Variants in CASTOR2 observed in about 807,000 individuals in gnomAD.
CASTOR2 encodes GATS protein like 2.
CASTOR2 carries 8 observed loss-of-function variants against 31.2 expected under a neutral mutation model. The ratio of observed to expected loss-of-function variants is 0.26; its 90% confidence interval spans 0.15 to 0.46. The LOEUF is 0.46. Ranked by LOEUF, CASTOR2 falls within the 20% of genes least tolerant of loss-of-function variation. The probability of loss-of-function intolerance (pLI) is 0.99; values close to 1 mark genes in which losing one functional copy is unlikely to be tolerated. For synonymous variants in CASTOR2, 162 were observed against 158.7 expected (o/e 1.02, Z -0.16); for missense variants, 216 against 382.1 (o/e 0.57, Z 3.62).
intron 2 of CASTOR2, 23 bp from the exon 3 acceptor site, chr7:75,017,575 C>G: frequency 6.2e-7 from 1 of 1,612,334 alleles, no homozygotes; most frequent in South Asian, 1.1e-5. Context: ...AGTCACAGGA[C>G]TGCCTTCTGT....
At chr7:74,996,728 TTTTTTTTTTTTTTTTTTG>T (rs1206614503) in intron 1 of CASTOR2, among the ~76,000 whole-genome samples, 13 of 108,460 alleles carry the variant, frequency 1.2e-4, no homozygotes, top group African/African-American at 4.0e-4. Context: ...TTTTTTTTTT[TTTTTTTTTTTTTTTTTTG>T]GAGACAGAAT....
At chr7:75,024,371 G>T in intron 7 of CASTOR2, 69 bp from the exon 8 acceptor site, 2 of 1,478,774 alleles carry the variant, frequency 1.4e-6, no homozygotes, top group South Asian at 1.2e-5. Context: ...AGAGGGTAGA[G>T]GCTGAAGAGC....
Position 75,008,151 on chromosome 7 carries a change from CACCTCCTTATTTCTGCCCCCACCT to C in CASTOR2, c.184+97_184+120del, listed in dbSNP as rs1429218969. 2.7e-5 allele frequency: 39 copies of C among 1,457,932 alleles called. No homozygotes were observed. The Admixed American group carries it at 2.7e-4, about 10-fold the overall frequency. 90.3% of individuals were successfully genotyped at this position (1,457,932 alleles called of 1,614,324 possible). On this transcript the variant is annotated intron_variant, in intron 2 of 8. Coordinates refer to ENST00000616305, the MANE Select transcript of CASTOR2 (RefSeq NM_001145064.3). ...CACCTCCTTATTTCTGTCCCCCGCC[CACCTCCTTATTTCTGCCCCCACCT>C]ACCTCCTTACTTCTGCCCTCATCTG... is the stretch of plus-strand genomic sequence containing the variant.
At chr7:74,986,667 G>A (rs1400023548) in intron 1 of CASTOR2, among the ~76,000 whole-genome samples, 1 of 152,146 alleles carries the variant, frequency 6.6e-6, no homozygotes, top group Non-Finnish European at 1.5e-5. Context: ...TCTGGGAGAA[G>A]GTGGTGATTT....
chr7:75,024,322 C>T, intron 7 of CASTOR2, 118 bp from the exon 8 acceptor site: 1 of 1,008,286 alleles, frequency 9.9e-7, no homozygotes. Context: ...GATGGGAATT[C>T]TCTAGGAGGA....
chr7:75,029,722 G>A lies in CASTOR2; in HGVS notation c.*5023G>A, dbSNP rs897087171. On this transcript the variant is annotated 3_prime_UTR_variant, in exon 9 of 9. Coordinates refer to ENST00000616305, the MANE Select transcript of CASTOR2 (RefSeq NM_001145064.3). ...AGAAGCACCCCCAACCTTCTAGTCC[G>A]CTCCGAGCAGGGCCTGGAGCATTGG... Among the ~76,000 whole-genome samples the A allele has an allele frequency of 2.6e-5, 4 of 152,288 alleles. No homozygotes were observed. The highest frequency in any genetic ancestry group is 2.1e-4 in the South Asian group (1 of 4,822).
Position 75,018,878 on chromosome 7 carries a change from G to A in CASTOR2, c.512-94G>A, listed in dbSNP as rs1272793055. The A allele has an allele frequency of 2.6e-6, 4 of 1,544,504 alleles. No homozygotes were observed. In the African/African-American group the frequency reaches 5.5e-5, roughly 21 times the overall value. Reference sequence around the variant, plus strand: ...AATGAGTCTCTTGGGGCCTGCAGCTGAGCCCTCCCCAGCCCTCTTCCCAGG... The same window carrying A: ...AATGAGTCTCTTGGGGCCTGCAGCTAAGCCCTCCCCAGCCCTCTTCCCAGG... On this transcript the variant is annotated intron_variant, in intron 4 of 8. Transcript: ENST00000616305.
Position 74,987,888 on chromosome 7 carries a change from A to G in CASTOR2, c.114-20106A>G, listed in dbSNP as rs1485356251. Reference sequence around the variant, plus strand: ...ACAGCTGGCCAATTTTTGTATTTTTAGTAGAGACAGGGTTTCACCATGTTG... The same window carrying G: ...ACAGCTGGCCAATTTTTGTATTTTTGGTAGAGACAGGGTTTCACCATGTTG... On this transcript the variant is annotated intron_variant, in intron 1 of 8. Coordinates refer to ENST00000616305, the MANE Select transcript of CASTOR2 (RefSeq NM_001145064.3). 5.9e-5 allele frequency among the ~76,000 whole-genome samples: 9 copies of G among 151,740 alleles called. No homozygotes were observed. In the South Asian group the frequency reaches 1.9e-3, roughly 32 times the overall value.
intron 1 of CASTOR2, among the ~76,000 whole-genome samples, chr7:74,985,198 G>T (rs1256248297): frequency 2.0e-5 from 3 of 152,082 alleles, no homozygotes; most frequent in Non-Finnish European, 4.4e-5. Flanking sequence ...GGCCAGTGAG[G>T]CTCTGAAATA....
In CASTOR2 at chr7:75,026,610, C is replaced by T. The variant is rs1805140266; in HGVS notation, c.*1911C>T. 3.3e-5 allele frequency among the ~76,000 whole-genome samples: 5 copies of T among 152,088 alleles called. No homozygotes were observed. The stretch of plus-strand genomic sequence containing the variant: ...AAGCCCACCAGAAGGAGAAGCTGTT[C>T]TTTAAAATCCTTGTGGGTGTTGAAG... On this transcript the variant is annotated 3_prime_UTR_variant, in exon 9 of 9. Coordinates refer to ENST00000616305, the MANE Select transcript of CASTOR2 (RefSeq NM_001145064.3).
intron 1 of CASTOR2, among the ~76,000 whole-genome samples, chr7:74,998,852 C>T (rs1804420859): frequency 6.6e-6 from 1 of 152,074 alleles, no homozygotes; most frequent in African/African-American, 2.4e-5. Context: ...TCCCCCAGAT[C>T]TTTGTGATTT....
chr7:75,001,916 T>G (rs1804506215), intron 1 of CASTOR2, among the ~76,000 whole-genome samples: 1 of 152,108 alleles, frequency 6.6e-6, no homozygotes, highest in Non-Finnish European at 1.5e-5. Flanking sequence ...TGAGATGAAC[T>G]GTATCCTTGG....
Position 75,020,138 on chromosome 7 carries a change from G to C in CASTOR2, c.735G>C (p.Gln245His). Residue 245 changes from glutamine (Q) to histidine (H), a missense_variant, in exon 6 of 9, where the codon CAG (glutamine) becomes CAC (histidine). Physicochemically the swap from Gln to His is conservative, Grantham distance 24. Transcript: ENST00000616305. ...EGYISLVMDV[Q>H]TQQRFPSNLL... ...ACATCTCCCTGGTGATGGACGTGCA[G>C]ACGCAGCAGAGGTGAGCCAGGCCCT... The C allele has an allele frequency of 6.4e-7, 1 of 1,551,522 alleles. No individual in the cohort carries two copies. Among genetic ancestry groups the C allele is most frequent in the Non-Finnish European group, 8.7e-7 (1 of 1,146,836 alleles).
intron 3 of CASTOR2, 71 bp from the exon 4 acceptor site, chr7:75,017,917 TGA>T: frequency 6.2e-7 from 1 of 1,613,526 alleles, no homozygotes; most frequent in Non-Finnish European, 8.5e-7. Flanking sequence ...AGTCTCAGGG[TGA>T]GAGGTCGGTG....
chr7:75,027,946 T>C lies in CASTOR2; in HGVS notation c.*3247T>C. On this transcript the variant is annotated 3_prime_UTR_variant, in exon 9 of 9. Transcript: ENST00000616305. ...GGTCTCTCCAGGCCCCAGACCCCACTTGGAGGGGCATGTGTTTCTCAGAGG... is the reference window on the plus strand; with the variant it reads ...GGTCTCTCCAGGCCCCAGACCCCACCTGGAGGGGCATGTGTTTCTCAGAGG... 7.1e-7 allele frequency: 1 copy of C among 1,412,664 alleles called. No homozygotes were observed. The highest frequency in any genetic ancestry group is 9.6e-7 in the Non-Finnish European group (1 of 1,036,578). The allele number at this position is 1,412,664 out of a possible 1,614,324, so 87.5% of individuals were successfully genotyped here.
At chr7:75,013,400 T>C (rs1441790199) in intron 2 of CASTOR2, among the ~76,000 whole-genome samples, 3 of 152,156 alleles carry the variant, frequency 2.0e-5, no homozygotes, top group Admixed American at 6.5e-5. Context: ...ATCCCAGCCC[T>C]TTGGGAGGCT....
chr7:75,015,146 C>T (rs1804838305), intron 2 of CASTOR2, among the ~76,000 whole-genome samples: 3 of 152,238 alleles, frequency 2.0e-5, no homozygotes, highest in Non-Finnish European at 4.4e-5. Context: ...CAGGCATGGG[C>T]CTCACTCAAT....
intron 2 of CASTOR2, among the ~76,000 whole-genome samples, chr7:75,008,698 AAAAAT>A (rs1247224371): frequency 6.6e-6 from 1 of 152,114 alleles, no homozygotes; most frequent in Admixed American, 6.6e-5. Context: ...TCTATCTCTT[AAAAAT>A]AAAAAAAATA....
At chr7:75,024,607 G>A in intron 8 of CASTOR2, 27 bp from the exon 9 acceptor site, 1 of 1,551,280 alleles carries the variant, frequency 6.4e-7, no homozygotes, top group Non-Finnish European at 8.7e-7. Context: ...TCACGGGCAG[G>A]CATCTGCCTC....
Sources: gnomAD v4.1 joint callset for allele counts (sites outside exome capture counted in the v4.1 genomes callset) on GRCh38, gnomAD v4.1.1 for gene constraint, MANE v1.5 for transcripts, NCBI Gene and HGNC (gene_info 2026-07-23, HGNC 2026-07-21) for gene names.